The following USP4 variants were observed in gnomAD, a reference collection of about 807,000 sequenced individuals.
The protein encoded by USP4 is ubiquitin specific peptidase 4, also known as ubiquitin carboxyl-terminal hydrolase 4.
Under a neutral mutation model 118.2 loss-of-function variants are expected in USP4, and 72 were observed. The observed-to-expected ratio is 0.61, with a 90% CI of 0.50 to 0.74. The LOEUF is 0.74. Among genes scored for constraint, USP4 ranks in the 30% least tolerant of loss-of-function variants. The pLI is 0.00. For synonymous variants in USP4, 415 were observed against 440.4 expected, an observed-to-expected ratio of 0.94 and a Z score of 0.72; for missense variants, 1,037 against 1,185.7, an observed-to-expected ratio of 0.87 and a Z score of 1.84.
intron 9 of USP4, among the ~76,000 whole-genome samples, chr3:49,305,113 C>T (rs546837481): frequency 6.7e-6 from 1 of 149,328 alleles, no homozygotes; most frequent in Non-Finnish European, 1.5e-5. Flanking sequence ...CGTTCTGTCA[C>T]CCAGGCTGGA....
At chr3:49,326,595 C>T (rs1027313521) in intron 3 of USP4, among the ~76,000 whole-genome samples, 1 of 151,568 alleles carries the variant, frequency 6.6e-6, no homozygotes. Context: ...CAGGATTTCA[C>T]CATGTTGGCC....
chr3:49,280,937 G>C (rs1696979620), intron 19 of USP4, 90 bp from the exon 20 acceptor site: 1 of 1,008,604 alleles, frequency 9.9e-7, no homozygotes, highest in Non-Finnish European at 1.5e-6. Flanking sequence ...TATGCAACAG[G>C]GCAGAACACA....
At chr3:49,335,402 C>G (rs2047658432) in intron 2 of USP4, 67 bp downstream of exon 2, 2 of 1,601,734 alleles carry the variant, frequency 1.2e-6, no homozygotes, top group Non-Finnish European at 8.6e-7. Flanking sequence ...GTCCATGTTA[C>G]AGATGCACAT....
intron 8 of USP4, among the ~76,000 whole-genome samples, chr3:49,306,245 C>T (rs2047316278): frequency 6.7e-6 from 1 of 149,656 alleles, no homozygotes; most frequent in Admixed American, 6.7e-5. Context: ...CGATCTTGTC[C>T]AGGCTGGAGT....
intron 8 of USP4, among the ~76,000 whole-genome samples, chr3:49,307,415 CAAA>C (rs879748415): frequency 1.9e-5 from 2 of 106,334 alleles, no homozygotes. Flanking sequence ...GACTATGTCT[CAAA>C]AAAAAAAAAA....
chr3:49,316,828 G>A lies in USP4; in HGVS notation c.696-5174C>T. The A allele has an allele frequency of 7.3e-6, 4 of 544,448 alleles. No individual in the cohort carries two copies. The East Asian group carries it at 1.3e-4, about 17-fold the overall frequency. The allele number at this position is 544,448 out of a possible 1,614,324, so 33.7% of individuals were successfully genotyped here. On this transcript the variant is annotated intron_variant, in intron 6 of 21. Coordinates refer to ENST00000265560, the MANE Select transcript of USP4 (RefSeq NM_003363.4). ...ACCTCCCTGGCAGCCCAGGAGTGTG[G>A]GTGCCGCAGAGACAGGCCCCTTGCA...
chr3:49,281,329 G>A (rs1037277460), intron 19 of USP4, among the ~76,000 whole-genome samples: 6 of 151,928 alleles, frequency 3.9e-5, no homozygotes, highest in Non-Finnish European at 4.4e-5. Context: ...GGTGGTGGGC[G>A]CCTGTAGTCC....
chr3:49,291,069 C>T (rs1027157876), intron 15 of USP4, among the ~76,000 whole-genome samples: 1 of 151,590 alleles, frequency 6.6e-6, no homozygotes, highest in Middle Eastern at 3.2e-3. Context: ...CCCGGGTTCA[C>T]GCCATTCTCC....
At position 49,284,916 on chromosome 3, in the gene USP4, C is replaced by A. The variant is rs148734128; in HGVS notation, c.2204G>T (p.Arg735Leu). The A allele has an allele frequency of 6.3e-7, 1 of 1,583,200 alleles. No individual in the cohort carries two copies. The highest frequency in any genetic ancestry group is 2.3e-5 in the East Asian group (1 of 44,070). The change falls in exon 17 of 22, where the codon CGA becomes CTA. Residue 735 changes from arginine to leucine, a missense_variant. This residue lies in a region of USP4 where 522 missense variants were observed against 592.6 expected (regional missense o/e 0.88). Coordinates refer to ENST00000265560, the MANE Select transcript of USP4 (RefSeq NM_003363.4). ...ADGKLLKLNS[R>L]STLAMDWDSE... Reference sequence around the variant, plus strand: ...GTCCCAATCCATGGCCAGTGTAGATCGAGCTGAGGAGGACCAAAATGTCAC... The same window carrying A: ...GTCCCAATCCATGGCCAGTGTAGATAGAGCTGAGGAGGACCAAAATGTCAC...
chr3:49,278,766 T>C (rs1371173169), intron 21 of USP4, 48 bp downstream of exon 21: 31 of 1,413,036 alleles, frequency 2.2e-5, no homozygotes, highest in Non-Finnish European at 3.1e-5. Flanking sequence ...CTTCCCAGCT[T>C]TAATCCATAA....
At chr3:49,309,943 CTTTT>C (rs773669515) in intron 8 of USP4, among the ~76,000 whole-genome samples, 9 of 40,228 alleles carry the variant, frequency 2.2e-4, no homozygotes, top group Admixed American at 1.4e-3. Context: ...TTTTTTTAAT[CTTTT>C]TTTTTTTTTT....
rs1011103202 is a variant in USP4 at position 49,305,849 on chromosome 3, T to C, written c.994A>G (p.Lys332Glu). 8 of 1,613,908 alleles carry C rather than the reference T, an allele frequency of 5.0e-6. No individual in the cohort carries two copies. The highest frequency in any genetic ancestry group is 1.7e-5 in the Admixed American group (1 of 59,954). ...TTGATTTCGGCTTCATACTCATCTT[T>C]GAGAAAGTAGTCAGTCAGTGGTGCA... The part of the protein sequence containing the change: ...NTAPLTDYFL[K>E]DEYEAEINRD... Residue 332 changes from lysine (K) to glutamate (E), a missense_variant, in exon 9 of 22, where the codon AAA (lysine) becomes GAA (glutamate). Physicochemically the swap from Lys to Glu is moderately conservative, Grantham distance 56 (BLOSUM62 1). Coordinates refer to ENST00000265560, the MANE Select transcript of USP4 (RefSeq NM_003363.4).
chr3:49,339,967 G>C lies in USP4; in HGVS notation c.58C>G (p.Leu20Val). Residue 20 changes from leucine (L) to valine (V), a missense_variant, in exon 1 of 22, where the codon CTT (leucine) becomes GTT (valine). Physicochemically the swap from Leu to Val is conservative, Grantham distance 32. This residue lies in a region of USP4 where 487 missense variants were observed against 534.1 expected (regional missense o/e 0.91). Transcript: ENST00000265560. The part of the protein sequence containing the change: ...RPDAETQKSE[L>V]GPLMRTTLQR... ...AGTGTGGTCCTCATTAAGGGTCCAA[G>C]CTCGGACTTCTGAGTCTCCGCATCC... The C allele has an allele frequency of 1.9e-6, 3 of 1,612,872 alleles. No homozygotes were observed. Among genetic ancestry groups the C allele is most frequent in the Non-Finnish European group, 2.5e-6 (3 of 1,179,898 alleles).
intron 6 of USP4, chr3:49,317,357 C>T: frequency 8.5e-7 from 1 of 1,182,638 alleles, no homozygotes; most frequent in Non-Finnish European, 1.2e-6. Context: ...TTGTCCTCCT[C>T]CTGCTGGATC....
At chr3:49,300,958 T>TA (rs2047257359) in intron 10 of USP4, among the ~76,000 whole-genome samples, 1 of 152,096 alleles carries the variant, frequency 6.6e-6, no homozygotes, top group Non-Finnish European at 1.5e-5. Context: ...TATATTATAT[T>TA]GATTGATTGA....
At chr3:49,281,989 G>A (rs2047035510) in intron 19 of USP4, among the ~76,000 whole-genome samples, 1 of 151,498 alleles carries the variant, frequency 6.6e-6, no homozygotes, top group African/African-American at 2.4e-5. Flanking sequence ...CTGGCCTGGC[G>A]ACAGAGTGAG....
intron 15 of USP4, among the ~76,000 whole-genome samples, chr3:49,291,660 C>A (rs1178805030): frequency 6.6e-6 from 1 of 151,592 alleles, no homozygotes; most frequent in Non-Finnish European, 1.5e-5. Flanking sequence ...TTACAGAAAG[C>A]CACTGAGTCA....
chr3:49,318,284 A>G, intron 6 of USP4: 1 of 981,726 alleles, frequency 1.0e-6, no homozygotes, highest in Non-Finnish European at 1.2e-6. Flanking sequence ...TAAACTCTTA[A>G]CAGTCAGAAT....
At position 49,325,834 on chromosome 3, in the gene USP4, A is replaced by G. The variant is rs780561409; in HGVS notation, c.372T>C (p.His124=). The G allele has an allele frequency of 1.3e-5, 21 of 1,613,570 alleles. No individual in the cohort carries two copies. Among genetic ancestry groups the G allele is most frequent in the Middle Eastern group, 1.6e-4 (1 of 6,084 alleles). ...QQPIVRKVVE[H]GLFVKHCKVE... Reference sequence around the variant, plus strand: ...CTTTGCAGTGCTTGACAAACAGGCCATGCTCCACAACCTATGAACAAGAGG... The same window carrying G: ...CTTTGCAGTGCTTGACAAACAGGCCGTGCTCCACAACCTATGAACAAGAGG... Residue 124 remains histidine (H), a synonymous_variant, in exon 4 of 22, where the codon CAT becomes CAC. Coordinates refer to ENST00000265560, the MANE Select transcript of USP4 (RefSeq NM_003363.4).
Sources: gnomAD v4.1 joint callset for allele counts (sites outside exome capture counted in the v4.1 genomes callset) on GRCh38, gnomAD v4.1.1 for gene constraint, gnomAD v4.1.1 regional missense constraint, MANE v1.5 for transcripts, NCBI Gene and HGNC (gene_info 2026-07-23, HGNC 2026-07-21) for gene names.